Variants in FAM53B observed in about 807,000 individuals in gnomAD.
FAM53B encodes protein FAM53B.
FAM53B carries 12 observed loss-of-function variants against 32.7 expected under a neutral mutation model. The ratio of observed to expected loss-of-function variants is 0.37; its 90% CI spans 0.24 to 0.59. The LOEUF (loss-of-function observed/expected upper bound fraction) is 0.59. Among genes scored for constraint, FAM53B ranks in the 20% least tolerant of loss-of-function variants. FAM53B has a pLI of 0.72. For missense variants in FAM53B, 477 were observed against 577.7 expected (o/e 0.83, Z 1.79); for synonymous variants, 234 against 228.7 (o/e 1.02, Z -0.21).
intron 3 of FAM53B, among the ~76,000 whole-genome samples, chr10:124,689,049 C>G (rs936800435): frequency 6.6e-6 from 1 of 152,186 alleles, no homozygotes; most frequent in Admixed American, 6.5e-5. Flanking sequence ...TCACAACCAG[C>G]TGACTCATTC....
intron 4 of FAM53B, among the ~76,000 whole-genome samples, chr10:124,674,322 A>AGG (rs143819751): frequency 0.01 from 1,580 of 152,352 alleles, 26 homozygotes; most frequent in African/African-American, 0.035. Flanking sequence ...TGTGACTCCC[A>AGG]ATATGGCAGC....
rs962372499 is a variant in FAM53B at position 124,744,309 on chromosome 10, G to A, written c.-471C>T. 2 of 147,910 alleles carry A rather than the reference G, an allele frequency of 1.4e-5. No homozygotes were observed. The highest frequency in any genetic ancestry group is 3.0e-5 in the Non-Finnish European group (2 of 66,310). 9.2% of individuals were successfully genotyped at this position (147,910 alleles called of 1,614,324 possible). ...CTTAGCGGGCGGTGTCGCGGGCCCGGGCGCTAGGCGCGGCGGCGGCGTGCA... is the reference window on the plus strand; with the variant it reads ...CTTAGCGGGCGGTGTCGCGGGCCCGAGCGCTAGGCGCGGCGGCGGCGTGCA... On this transcript the variant is annotated 5_prime_UTR_variant, in exon 1 of 5. Transcript: ENST00000337318.
intron 4 of FAM53B, among the ~76,000 whole-genome samples, chr10:124,630,377 G>A (rs1198333016): frequency 6.6e-6 from 1 of 152,170 alleles, no homozygotes; most frequent in Non-Finnish European, 1.5e-5. Flanking sequence ...TTGCACCACT[G>A]TACTCCAGCC....
chr10:124,693,925 A>G (rs1175850089), intron 3 of FAM53B, among the ~76,000 whole-genome samples: 1 of 152,238 alleles, frequency 6.6e-6, no homozygotes, highest in East Asian at 1.9e-4. Context: ...TGCTCAAGTC[A>G]TATCTATGAC....
chr10:124,619,925 G>A lies in FAM53B; in HGVS notation c.*3317C>T, dbSNP rs1157512660. On this transcript the variant is annotated 3_prime_UTR_variant, in exon 5 of 5. Coordinates refer to ENST00000337318, the MANE Select transcript of FAM53B (RefSeq NM_014661.4). ...GACACCAAGGCAGAGCCCGCAGCAG[G>A]GGGCCCGGGGTTCCACAGCTAGGGA... 2 of 152,418 alleles carry A rather than the reference G, an allele frequency of 1.3e-5. No homozygotes were observed. Among genetic ancestry groups the A allele is most frequent in the African/African-American group, 4.8e-5 (2 of 41,458 alleles). 9.4% of individuals were successfully genotyped at this position (152,418 alleles called of 1,614,324 possible).
intron 2 of FAM53B, among the ~76,000 whole-genome samples, chr10:124,697,478 T>A (rs1949881339): frequency 6.6e-6 from 1 of 152,064 alleles, no homozygotes. Flanking sequence ...CTCCCTCACT[T>A]CATCCCCATC....
chr10:124,728,424 TC>T (rs990349192), intron 1 of FAM53B, among the ~76,000 whole-genome samples: 2 of 152,154 alleles, frequency 1.3e-5, no homozygotes, highest in African/African-American at 4.8e-5. Context: ...CCAGGAGAGC[TC>T]CCTTCTGGCC....
At chr10:124,640,573 G>A (rs911327928) in intron 4 of FAM53B, among the ~76,000 whole-genome samples, 2 of 152,226 alleles carry the variant, frequency 1.3e-5, no homozygotes, top group African/African-American at 4.8e-5. Flanking sequence ...CAAAGGCAGG[G>A]CATTTCTGGA....
intron 4 of FAM53B, among the ~76,000 whole-genome samples, chr10:124,648,217 C>T (rs933071227): frequency 6.6e-6 from 1 of 152,226 alleles, no homozygotes; most frequent in South Asian, 2.1e-4. Flanking sequence ...GCTCTGGGAG[C>T]GTCTGTTGGA....
chr10:124,706,641 C>G lies in FAM53B; in HGVS notation c.73G>C (p.Glu25Gln). ...DSIACGTFSR[E>Q]LHTPKKMSQG... The stretch of plus-strand genomic sequence containing the variant: ...GAAGCCTGCCAGGTCCTCACCAGTT[C>G]ACGGCTGAAGGTCCCACATGCAATG... The change falls in exon 2 of 5, where the codon GAA becomes CAA. Residue 25 changes from glutamate (E) to glutamine (Q), a missense_variant. Around this residue, in one of 2 missense-constraint regions of FAM53B, gnomAD observed 312 missense variants for 420.2 expected, o/e 0.74. Transcript: ENST00000337318. The G allele has an allele frequency of 6.2e-7, 1 of 1,614,240 alleles. No homozygotes were observed. Among genetic ancestry groups the G allele is most frequent in the South Asian group, 1.1e-5 (1 of 91,090 alleles).
intron 4 of FAM53B, among the ~76,000 whole-genome samples, chr10:124,632,651 G>A (rs1252616411): frequency 1.3e-5 from 2 of 152,264 alleles, no homozygotes; most frequent in East Asian, 3.8e-4. Flanking sequence ...CACCCCAGCA[G>A]CTCACAACTC....
rs1321402154 is a variant in FAM53B, at chr10:124,647,628, G to C, written c.907-24024C>G. On this transcript the variant is annotated intron_variant, in intron 4 of 4. Transcript: ENST00000337318. ...GCTCAGGGAGGCAGGTATGTGTCCA[G>C]TGTCACAGCTAGGAAGCAGCAGAGG... is the stretch of plus-strand genomic sequence containing the variant. Among the ~76,000 whole-genome samples, 4 of 152,328 alleles carry C rather than the reference G, an allele frequency of 2.6e-5. No individual in the cohort carries two copies. The East Asian group carries it at 5.8e-4, about 22-fold the overall frequency.
intron 4 of FAM53B, among the ~76,000 whole-genome samples, chr10:124,624,405 G>C (rs2134033621): frequency 6.6e-6 from 1 of 152,362 alleles, no homozygotes; most frequent in African/African-American, 2.4e-5. Context: ...GCTGGGGACT[G>C]GGAGGTCTGA....
intron 1 of FAM53B, among the ~76,000 whole-genome samples, chr10:124,735,166 G>T (rs541086152): frequency 6.6e-6 from 1 of 152,282 alleles, no homozygotes; most frequent in South Asian, 2.1e-4. Flanking sequence ...CCACTGCAAA[G>T]CACCTAAAGA....
intron 4 of FAM53B, among the ~76,000 whole-genome samples, chr10:124,676,615 G>A (rs3781450): frequency 0.21 from 5,883 of 28,296 alleles, 174 homozygotes; most frequent in Non-Finnish European, 0.5. Flanking sequence ...AGTGGAAGCT[G>A]GCTGGGGGGG....
intron 4 of FAM53B, among the ~76,000 whole-genome samples, chr10:124,657,814 A>AG (rs1259798867): frequency 6.6e-6 from 1 of 152,226 alleles, no homozygotes; most frequent in African/African-American, 2.4e-5. Flanking sequence ...TTTACGAATG[A>AG]GGAAACAGGA....
At chr10:124,699,434 C>T (rs1349004843) in intron 2 of FAM53B, among the ~76,000 whole-genome samples, 2 of 152,208 alleles carry the variant, frequency 1.3e-5, no homozygotes, top group East Asian at 1.9e-4. Context: ...GTGTCAGAGC[C>T]GCCCTGCAGG....
chr10:124,741,117 G>C (rs1033098132), intron 1 of FAM53B, among the ~76,000 whole-genome samples: 1 of 152,184 alleles, frequency 6.6e-6, no homozygotes, highest in Admixed American at 6.5e-5. Context: ...CAATTAAAGA[G>C]AGTCCCTCCA....
rs1260493542 is a variant in FAM53B at position 124,744,279 on chromosome 10, C to G, written c.-441G>C. 6.8e-6 allele frequency: 1 copy of G among 147,534 alleles called. No homozygotes were observed. The highest frequency in any genetic ancestry group is 1.5e-5 in the Non-Finnish European group (1 of 66,030). 9.1% of individuals were successfully genotyped at this position (147,534 alleles called of 1,614,324 possible). ...AGACCGCGGCTGCGTGAACTCGGCC[C>G]GGCGCTTAGCGGGCGGTGTCGCGGG... On this transcript the variant is annotated 5_prime_UTR_variant, in exon 1 of 5. Coordinates refer to ENST00000337318, the MANE Select transcript of FAM53B (RefSeq NM_014661.4).
Sources: gnomAD v4.1 joint callset for allele counts (sites outside exome capture counted in the v4.1 genomes callset) on GRCh38, gnomAD v4.1.1 for gene constraint, gnomAD v4.1.1 regional missense constraint, MANE v1.5 for transcripts, NCBI Gene and HGNC (gene_info 2026-07-23, HGNC 2026-07-21) for gene names.